ASTN2: variants seen among roughly 807,000 people sequenced by gnomAD.
The protein encoded by ASTN2 is astrotactin-2.
ASTN2 carries 54 observed loss-of-function variants against 139.8 expected under a neutral mutation model. The ratio of observed to expected loss-of-function variants is 0.39; its 90% confidence interval spans 0.31 to 0.48. The LOEUF is 0.48. ASTN2 is among the 20% of genes least tolerant of loss of function. The pLI is 0.95. For synonymous variants in ASTN2, 756 were observed against 719.5 expected, an observed-to-expected ratio of 1.05 and a Z score of -0.81; for missense variants, 1,565 against 1,725.1, an observed-to-expected ratio of 0.91 and a Z score of 1.64.
At chr9:116,939,404 TTTA>T (rs1564350701) in intron 10 of ASTN2, among the ~76,000 whole-genome samples, 2 of 152,062 alleles carry the variant, frequency 1.3e-5, no homozygotes, top group African/African-American at 4.8e-5. Context: ...ATTTAAAAAA[TTTA>T]TTATTATTAT....
At chr9:116,502,569 A>G (rs1270692113) in intron 19 of ASTN2, among the ~76,000 whole-genome samples, 2 of 151,602 alleles carry the variant, frequency 1.3e-5, no homozygotes, top group African/African-American at 4.8e-5. Flanking sequence ...AGACAGATAG[A>G]AATAGAGAGA....
intron 3 of ASTN2, among the ~76,000 whole-genome samples, chr9:117,169,868 A>G (rs1004281762): frequency 3.3e-5 from 5 of 152,164 alleles, no homozygotes; most frequent in African/African-American, 1.2e-4. Context: ...CCAAACTCTA[A>G]GAGAAAGTGC....
intron 2 of ASTN2, among the ~76,000 whole-genome samples, chr9:117,289,802 T>C (rs1222121431): frequency 6.6e-6 from 1 of 152,146 alleles, no homozygotes; most frequent in East Asian, 1.9e-4. Flanking sequence ...AATATACATA[T>C]GGAAAAAGTC....
chr9:117,411,730 A>T (rs189170771), intron 1 of ASTN2, among the ~76,000 whole-genome samples: 1 of 152,126 alleles, frequency 6.6e-6, no homozygotes, highest in Non-Finnish European at 1.5e-5. Flanking sequence ...GGTGGACACC[A>T]TCACCCCCTA....
At chr9:116,832,964 T>A (rs1000939320) in intron 11 of ASTN2, among the ~76,000 whole-genome samples, 32 of 100,328 alleles carry the variant, frequency 3.2e-4, no homozygotes, top group Admixed American at 9.4e-4. Flanking sequence ...TTATTTATTT[T>A]TTGGGAATTG....
In ASTN2 at chr9:117,071,877, C is replaced by A. The variant is rs561761969; in HGVS notation, c.1276+24167G>T. On this transcript the variant is annotated intron_variant, in intron 5 of 22. Transcript: ENST00000313400. The stretch of plus-strand genomic sequence containing the variant: ...CCTAGCCCTGCTTCGGCTCGCGCAC[C>A]GTGCGCGCACCCACTGGCCTGCGCC... Among the ~76,000 whole-genome samples, 354 of 152,190 alleles carry A rather than the reference C, an allele frequency of 2.3e-3. 1 individual carries two copies. Among genetic ancestry groups the A allele is most frequent in the Non-Finnish European group, 2.7e-3 (181 of 68,012 alleles).
intron 20 of ASTN2, among the ~76,000 whole-genome samples, chr9:116,463,958 G>C (rs1398175724): frequency 7.1e-6 from 1 of 141,024 alleles, no homozygotes; most frequent in Admixed American, 7.5e-5. Flanking sequence ...ATGTTGTCCA[G>C]GCTGGCCTTG....
At chr9:117,188,843 G>A (rs1017537111) in intron 3 of ASTN2, among the ~76,000 whole-genome samples, 1 of 152,140 alleles carries the variant, frequency 6.6e-6, no homozygotes, top group African/African-American at 2.4e-5. Context: ...AGTCCCATGG[G>A]AGCCAGGTAC....
At chr9:116,535,535 T>C (rs935215933) in intron 19 of ASTN2, among the ~76,000 whole-genome samples, 10 of 152,168 alleles carry the variant, frequency 6.6e-5, no homozygotes, top group Admixed American at 6.5e-5. Flanking sequence ...TCAGGAGCTC[T>C]TGTAGGGCAG....
intron 6 of ASTN2, among the ~76,000 whole-genome samples, chr9:117,010,627 G>A (rs917331218): frequency 6.6e-6 from 1 of 152,156 alleles, no homozygotes; most frequent in Non-Finnish European, 1.5e-5. Flanking sequence ...TTGATATAAA[G>A]ATTACATAAG....
intron 13 of ASTN2, among the ~76,000 whole-genome samples, chr9:116,762,958 G>A (rs1829711438): frequency 6.6e-6 from 1 of 152,208 alleles, no homozygotes; most frequent in Non-Finnish European, 1.5e-5. Flanking sequence ...TGATGAAACT[G>A]AGGCTCAGAG....
At chr9:116,515,896 G>A (rs1316405299) in intron 19 of ASTN2, among the ~76,000 whole-genome samples, 1 of 152,032 alleles carries the variant, frequency 6.6e-6, no homozygotes, top group African/African-American at 2.4e-5. Context: ...GAATCACCTG[G>A]GATGTCTTGC....
At chr9:117,154,988 T>A (rs1430262013) in intron 3 of ASTN2, among the ~76,000 whole-genome samples, 1 of 152,044 alleles carries the variant, frequency 6.6e-6, no homozygotes, top group Non-Finnish European at 1.5e-5. Flanking sequence ...CCATAGCTTG[T>A]CTGACTTCCA....
chr9:117,061,307 T>C (rs1587918690), intron 5 of ASTN2, among the ~76,000 whole-genome samples: 2 of 147,210 alleles, frequency 1.4e-5, no homozygotes, highest in South Asian at 4.4e-4. Flanking sequence ...TTACCATTCT[T>C]ATCCTAATTT....
At position 116,769,689 on chromosome 9, in the gene ASTN2, G is replaced by C. The variant is rs143103402; in HGVS notation, c.2396+35943C>G. Among the ~76,000 whole-genome samples, 598 of 152,280 alleles carry C rather than the reference G, an allele frequency of 3.9e-3. 3 individuals carry two copies. The highest frequency in any genetic ancestry group is 0.014 in the Middle Eastern group (4 of 294). ...GAATATATGTGTATGTGGCACAAAA[G>C]AAGAAAGTCTGAAAGTTATGCTCTT... On this transcript the variant is annotated intron_variant, in intron 13 of 22. Transcript: ENST00000313400.
intron 10 of ASTN2, among the ~76,000 whole-genome samples, chr9:116,953,316 CTGTT>C (rs1387116886): frequency 2.6e-5 from 4 of 152,334 alleles, no homozygotes; most frequent in East Asian, 1.9e-4. Context: ...GAATCTGTAT[CTGTT>C]TGACTTCTAA....
chr9:117,222,538 C>T (rs1416549471), intron 2 of ASTN2, among the ~76,000 whole-genome samples: 5 of 152,168 alleles, frequency 3.3e-5, no homozygotes, highest in Admixed American at 3.3e-4. Context: ...CATGATGGCA[C>T]TGTGGCTGCC....
chr9:117,191,919 G>C (rs1227946049), intron 3 of ASTN2, among the ~76,000 whole-genome samples: 1 of 152,186 alleles, frequency 6.6e-6, no homozygotes, highest in Non-Finnish European at 1.5e-5. Context: ...TAGGGAGAAA[G>C]GAGAGACAGG....
chr9:117,350,274 C>A (rs1343137275), intron 1 of ASTN2, among the ~76,000 whole-genome samples: 1 of 152,156 alleles, frequency 6.6e-6, no homozygotes, highest in East Asian at 1.9e-4. Context: ...ACAAGGCTGG[C>A]ACAGTGGCTC....
Sources: gnomAD v4.1 joint callset for allele counts (sites outside exome capture counted in the v4.1 genomes callset) on GRCh38, gnomAD v4.1.1 for gene constraint, MANE v1.5 for transcripts, NCBI Gene and HGNC (gene_info 2026-07-23, HGNC 2026-07-21) for gene names.